Variants in LRRC7 observed in about 807,000 individuals in gnomAD.
LRRC7 encodes the protein leucine-rich repeat-containing protein 7.
A neutral mutation model predicts 175.7 loss-of-function variants in LRRC7; 23 were observed. The observed-to-expected ratio is 0.13, with a 90% CI of 0.09 to 0.19. LRRC7 has a LOEUF of 0.19. LRRC7 is among the 10% of genes least tolerant of loss of function. LRRC7 has a pLI of 1.00. For synonymous variants in LRRC7, 685 were observed against 680.9 expected, an observed-to-expected ratio of 1.01 and a Z score of -0.09; for missense variants, 1,354 against 1,904.7, an observed-to-expected ratio of 0.71 and a Z score of 5.38.
At position 70,143,705 on chromosome 1, in the gene LRRC7, A is replaced by C. The variant is rs1667176826; in HGVS notation, c.*21818A>C. The C allele has an allele frequency of 6.6e-6, 1 of 152,158 alleles. No homozygotes were observed. Among genetic ancestry groups the C allele is most frequent in the South Asian group, 2.1e-4 (1 of 4,832 alleles). The allele number at this position is 152,158 out of a possible 1,614,324, so 9.4% of individuals were successfully genotyped here. A position where few individuals can be genotyped will look rare whatever the true frequency, so the allele number is the denominator to read the frequency against. ...TTGGGTGTACTCTAGCCAATTCAAA[A>C]CAAATTGCTTACTTTAATAATACAA... is the stretch of plus-strand genomic sequence containing the variant. On this transcript the variant is annotated 3_prime_UTR_variant, in exon 27 of 27. Coordinates refer to ENST00000651989, the MANE Select transcript of LRRC7 (RefSeq NM_001370785.2).
chr1:70,009,166 T>C (rs984254309), intron 11 of LRRC7, among the ~76,000 whole-genome samples: 7 of 152,144 alleles, frequency 4.6e-5, no homozygotes, highest in African/African-American at 1.7e-4. Flanking sequence ...ATACCTTCTT[T>C]AACTTCTGCC....
intron 3 of LRRC7, among the ~76,000 whole-genome samples, chr1:69,767,310 T>C (rs1671733572): frequency 6.6e-6 from 1 of 152,176 alleles, no homozygotes; most frequent in Admixed American, 6.5e-5. Flanking sequence ...AAATTTGTTA[T>C]AAAATGTTAT....
At chr1:69,819,333 A>G (rs1678960568) in intron 4 of LRRC7, among the ~76,000 whole-genome samples, 1 of 151,748 alleles carries the variant, frequency 6.6e-6, no homozygotes, top group Non-Finnish European at 1.5e-5. Flanking sequence ...GTTGCTCAGG[A>G]TGGTACTATT....
rs1311267646 is a variant in LRRC7 at position 69,982,269 on chromosome 1, A to ACTGCTAGC, written c.786+1816_786+1817insCTGCTAGC. ...TAGCTTTATATAGATTCCTTACTTT[A>ACTGCTAGC]TTTTGTATACTTGCACTTGGTAATT... On this transcript the variant is annotated intron_variant, in intron 9 of 26. Coordinates refer to ENST00000651989, the MANE Select transcript of LRRC7 (RefSeq NM_001370785.2). Among the ~76,000 whole-genome samples, 5 of 152,148 alleles carry ACTGCTAGC rather than the reference A, an allele frequency of 3.3e-5. No homozygotes were observed. In the South Asian group the frequency reaches 8.3e-4, roughly 25 times the overall value.
At chr1:69,573,413 C>T (rs143664452) in intron 1 of LRRC7, among the ~76,000 whole-genome samples, 1 of 152,216 alleles carries the variant, frequency 6.6e-6, no homozygotes, top group East Asian at 1.9e-4. Flanking sequence ...ATAATACACC[C>T]TATTATTTTT....
At chr1:69,903,943 G>T (rs929846198) in intron 7 of LRRC7, among the ~76,000 whole-genome samples, 5 of 152,094 alleles carry the variant, frequency 3.3e-5, no homozygotes, top group Admixed American at 6.5e-5. Context: ...ACCCTCCCAA[G>T]ACTAAACCAG....
At chr1:69,717,107 C>G (rs905372610) in intron 2 of LRRC7, among the ~76,000 whole-genome samples, 4 of 150,512 alleles carry the variant, frequency 2.7e-5, no homozygotes, top group Non-Finnish European at 5.9e-5. Flanking sequence ...CTTAATACAG[C>G]TAGTTCTTAA....
intron 1 of LRRC7, among the ~76,000 whole-genome samples, chr1:69,659,791 C>G (rs1326597967): frequency 6.6e-6 from 1 of 151,462 alleles, no homozygotes; most frequent in African/African-American, 2.4e-5. Flanking sequence ...GAACAGTAAA[C>G]AAATATTACA....
chr1:69,691,405 A>G (rs1017129816), intron 2 of LRRC7, among the ~76,000 whole-genome samples: 4 of 152,264 alleles, frequency 2.6e-5, no homozygotes, highest in African/African-American at 9.6e-5. Context: ...AAACAGACGC[A>G]TCCTATTTAT....
At chr1:69,746,984 A>G (rs1248861823) in intron 2 of LRRC7, among the ~76,000 whole-genome samples, 6 of 152,128 alleles carry the variant, frequency 3.9e-5, no homozygotes, top group Non-Finnish European at 8.8e-5. Context: ...GCTTCTAGAT[A>G]GCCATTTTCT....
chr1:69,809,733 G>A (rs1369487956), intron 4 of LRRC7, among the ~76,000 whole-genome samples: 1 of 152,114 alleles, frequency 6.6e-6, no homozygotes, highest in East Asian at 1.9e-4. Flanking sequence ...AGCCTTTCAT[G>A]CTAAAAACTC....
chr1:70,000,669 G>A (rs1655438213), intron 11 of LRRC7, among the ~76,000 whole-genome samples: 1 of 152,082 alleles, frequency 6.6e-6, no homozygotes, highest in South Asian at 2.1e-4. Context: ...ACCTCTACCT[G>A]AAATATTCTT....
At chr1:70,103,365 G>GT (rs1213327569) in intron 25 of LRRC7, among the ~76,000 whole-genome samples, 1 of 152,186 alleles carries the variant, frequency 6.6e-6, no homozygotes, top group East Asian at 1.9e-4. Context: ...GATGGGCTCA[G>GT]TGTAATCACA....
At chr1:69,990,845 A>C (rs1654369292) in intron 10 of LRRC7, among the ~76,000 whole-genome samples, 1 of 152,216 alleles carries the variant, frequency 6.6e-6, no homozygotes. Flanking sequence ...AATTGATTAC[A>C]CTTATTCTAT....
At chr1:69,991,949 G>A (rs1364313876) in intron 10 of LRRC7, among the ~76,000 whole-genome samples, 3 of 152,030 alleles carry the variant, frequency 2.0e-5, no homozygotes, top group South Asian at 4.1e-4. Context: ...ACTCAATAAA[G>A]AAAAATAAAA....
In LRRC7 at chr1:69,813,638, T is replaced by C. The variant is rs1457886056; in HGVS notation, c.422-12110T>C. 3.9e-5 allele frequency among the ~76,000 whole-genome samples: 6 copies of C among 152,194 alleles called. No individual in the cohort carries two copies. In the East Asian group the frequency reaches 1.2e-3, roughly 29 times the overall value. ...CATTTTGCCTATAAAACATAATGCT[T>C]CCCATATAATTACTTTAGAATACAG... On this transcript the variant is annotated intron_variant, in intron 4 of 26. Transcript: ENST00000651989.
At chr1:69,661,186 C>T (rs937515911) in intron 1 of LRRC7, among the ~76,000 whole-genome samples, 4 of 152,068 alleles carry the variant, frequency 2.6e-5, no homozygotes, top group African/African-American at 7.2e-5. Context: ...TTTTTTAATG[C>T]TCGTGGAACT....
intron 26 of LRRC7, among the ~76,000 whole-genome samples, chr1:70,115,814 G>A (rs1400915599): frequency 6.6e-6 from 1 of 151,614 alleles, no homozygotes; most frequent in Non-Finnish European, 1.5e-5. Flanking sequence ...TGTCATTTAA[G>A]AGCCTGATAA....
chr1:69,810,151 A>G (rs954416460), intron 4 of LRRC7, among the ~76,000 whole-genome samples: 1 of 152,222 alleles, frequency 6.6e-6, no homozygotes, highest in African/African-American at 2.4e-5. Context: ...GAGCCAAATC[A>G]TAAGTGAACT....
Sources: allele counts gnomAD v4.1 joint callset (sites outside exome capture counted in the v4.1 genomes callset), GRCh38; gene constraint gnomAD v4.1.1; transcripts MANE v1.5; gene names NCBI Gene and HGNC (gene_info 2026-07-23, HGNC 2026-07-21).